The following DSG1 variants were observed in gnomAD, a reference collection of about 807,000 sequenced individuals.
DSG1 encodes desmoglein-1.
DSG1 carries 39 observed loss-of-function variants against 97.5 expected under a neutral mutation model. The ratio of observed to expected loss-of-function variants is 0.40; its 90% CI spans 0.31 to 0.52. The LOEUF (loss-of-function observed/expected upper bound fraction) is 0.52. Among genes scored for constraint, DSG1 ranks in the 20% least tolerant of loss-of-function variants. The pLI is 0.53. For missense variants in DSG1, 1,311 were observed against 1,295.4 expected (o/e 1.01, Z -0.18); for synonymous variants, 475 against 443.4 (o/e 1.07, Z -0.90).
In DSG1 at chr18:31,331,846, G is replaced by C. The variant is rs375396241; in HGVS notation, c.663G>C (p.Met221Ile). The C allele has an allele frequency of 6.2e-7, 1 of 1,612,348 alleles. No individual in the cohort carries two copies. The highest frequency in any genetic ancestry group is 1.1e-5 in the South Asian group (1 of 91,040). ...INRNTGEIRT[M>I]NNFLDREQYG... Reference sequence around the variant, plus strand: ...GAAATACTGGAGAAATTCGAACGATGAATAATTTTCTAGACAGAGAGGTAA... The same window carrying C: ...GAAATACTGGAGAAATTCGAACGATCAATAATTTTCTAGACAGAGAGGTAA... Residue 221 changes from methionine (M) to isoleucine (I), a missense_variant, in exon 6 of 15, where the codon ATG (methionine) becomes ATC (isoleucine). Around this residue, in one of 3 missense-constraint regions of DSG1, gnomAD observed 259 missense variants for 304.1 expected, o/e 0.85. Coordinates refer to ENST00000257192, the MANE Select transcript of DSG1 (RefSeq NM_001942.4).
In DSG1 at chr18:31,354,282, C is replaced by G. The variant is rs371382295; in HGVS notation, c.2101-15C>G. 3 of 1,609,024 alleles carry G rather than the reference C, an allele frequency of 1.9e-6. No homozygotes were observed. The highest frequency in any genetic ancestry group is 2.7e-5 in the African/African-American group (2 of 74,804). On this transcript the variant is annotated splice_polypyrimidine_tract_variant and intron_variant, in intron 14 of 14. Transcript: ENST00000257192. ...GCATTCATAATTTCATTTTCTCTTT[C>G]TCCTATAAATTCAGAAAGCATATGC...
chr18:31,346,465 T>C (rs935939301), intron 14 of DSG1, among the ~76,000 whole-genome samples: 7 of 152,214 alleles, frequency 4.6e-5, no homozygotes, highest in African/African-American at 1.4e-4. Context: ...ACATGTTAAC[T>C]AAGATTGTTC....
Position 31,354,493 on chromosome 18 carries a change from A to G in DSG1, c.2297A>G (p.Glu766Gly), listed in dbSNP as rs779177104. 1 of 1,614,190 alleles carries G rather than the reference A, an allele frequency of 6.2e-7. No individual in the cohort carries two copies. The highest frequency in any genetic ancestry group is 1.1e-5 in the South Asian group (1 of 91,074). The stretch of plus-strand genomic sequence containing the variant: ...TTGGCAGACATCAGCCTAGGAAAAG[A>G]ATCATATCCAGACCTTGATCCTTCT... ...KKLADISLGK[E>G]SYPDLDPSWP... The change falls in exon 15 of 15, where the codon GAA becomes GGA. Residue 766 changes from glutamate (E) to glycine (G), a missense_variant. Physicochemically the swap from Glu to Gly is moderately conservative, Grantham distance 98. This residue lies in a region of DSG1 where 1,038 missense variants were observed against 964.6 expected (regional missense o/e 1.08). Coordinates refer to ENST00000257192, the MANE Select transcript of DSG1 (RefSeq NM_001942.4).
rs766971978 is a variant in DSG1 at position 31,355,275 on chromosome 18, A to G, written c.3079A>G (p.Ile1027Val). Residue 1027 changes from isoleucine (I) to valine (V), a missense_variant, in exon 15 of 15, where the codon ATT becomes GTT. This residue lies in a region of DSG1 where 1,038 missense variants were observed against 964.6 expected (regional missense o/e 1.08). Transcript: ENST00000257192. ...CTCTGACCATCACTTTAACCAAACC[A>G]TTGGGTCCGCCTCCCCTAGCACAGC... Reference protein sequence around the residue: ...SSSDHHFNQTIGSASPSTARS... With the variant: ...SSSDHHFNQTVGSASPSTARS... 1.9e-5 allele frequency: 30 copies of G among 1,613,610 alleles called. No individual in the cohort carries two copies. Among genetic ancestry groups the G allele is most frequent in the African/African-American group, 4.0e-5 (3 of 74,944 alleles).
chr18:31,337,454 T>C (rs1278651587), intron 9 of DSG1, among the ~76,000 whole-genome samples: 2 of 152,160 alleles, frequency 1.3e-5, no homozygotes, highest in Admixed American at 1.3e-4. Flanking sequence ...GGTTTCACCA[T>C]GTTGGCCAGG....
chr18:31,333,782 G>T, intron 7 of DSG1, 59 bp downstream of exon 7: 2 of 1,582,442 alleles, frequency 1.3e-6, no homozygotes, highest in South Asian at 1.1e-5. Flanking sequence ...AAACATATAC[G>T]AACAATTCTG....
intron 11 of DSG1, chr18:31,343,234 T>C (rs2071801860): frequency 3.4e-6 from 2 of 594,450 alleles, no homozygotes; most frequent in Non-Finnish European, 2.9e-6. Context: ...TTTTTAATAC[T>C]ATAAAATAAA....
intron 14 of DSG1, among the ~76,000 whole-genome samples, chr18:31,350,805 A>G (rs1056129852): frequency 4.0e-5 from 6 of 150,638 alleles, no homozygotes; most frequent in South Asian, 4.2e-4. Context: ...CTGTGGGATC[A>G]GTGGTGATAT....
At chr18:31,345,471 C>A in intron 13 of DSG1, 1 of 160,150 alleles carries the variant, frequency 6.2e-6, no homozygotes, top group Non-Finnish European at 1.4e-5. Flanking sequence ...CGAGTACCTA[C>A]CTCAAATATA....
rs536620274 is a variant in DSG1, at chr18:31,353,619, G to A, written c.2101-678G>A. ...TCAGACTGCTGTGCTAGCAATCAGC[G>A]AGACTCCGTGGGCGTAGGACCCTCC... On this transcript the variant is annotated intron_variant, in intron 14 of 14. Transcript: ENST00000257192. Among the ~76,000 whole-genome samples, 275 of 152,176 alleles carry A rather than the reference G, an allele frequency of 1.8e-3. 5 individuals carry two copies. In the East Asian group the frequency reaches 0.034, roughly 19 times the overall value.
At chr18:31,335,210 T>C (rs1279085132) in intron 8 of DSG1, among the ~76,000 whole-genome samples, 1 of 152,158 alleles carries the variant, frequency 6.6e-6, no homozygotes. Context: ...ATTATTTCCA[T>C]ATTGCAGATA....
Position 31,356,642 on chromosome 18 carries a change from A to G in DSG1, c.*1296A>G, listed in dbSNP as rs2071961578. 6.6e-6 allele frequency: 1 copy of G among 152,194 alleles called. No individual in the cohort carries two copies. Among genetic ancestry groups the G allele is most frequent in the Non-Finnish European group, 1.5e-5 (1 of 68,026 alleles). 9.4% of individuals were successfully genotyped at this position (152,194 alleles called of 1,614,324 possible). A position where few individuals can be genotyped will look rare whatever the true frequency, so the allele number is the denominator to read the frequency against. On this transcript the variant is annotated 3_prime_UTR_variant, in exon 15 of 15. Coordinates refer to ENST00000257192, the MANE Select transcript of DSG1 (RefSeq NM_001942.4). ...GACAATATGGTGTTGATAAGCATGAAATAATAATAGAAACCTATTCTGCTA... is the reference window on the plus strand; with the variant it reads ...GACAATATGGTGTTGATAAGCATGAGATAATAATAGAAACCTATTCTGCTA...
At chr18:31,340,171 TA>T in intron 11 of DSG1, 146 bp downstream of exon 11, 1 of 891,428 alleles carries the variant, frequency 1.1e-6, no homozygotes, top group Non-Finnish European at 1.7e-6. Context: ...GCACTGGGTT[TA>T]TAAGATGAAA....
chr18:31,351,561 C>G (rs1283926091), intron 14 of DSG1, among the ~76,000 whole-genome samples: 1 of 151,256 alleles, frequency 6.6e-6, no homozygotes, highest in Non-Finnish European at 1.5e-5. Context: ...CTAATGTTGA[C>G]AGTGGGGTGT....
chr18:31,335,236 C>T (rs761135921), intron 8 of DSG1, among the ~76,000 whole-genome samples: 2 of 152,076 alleles, frequency 1.3e-5, no homozygotes, highest in Non-Finnish European at 2.9e-5. Flanking sequence ...ATTGAGGCTC[C>T]AAGAGAGCAC....
chr18:31,333,979 A>T, intron 7 of DSG1, 38 bp from the exon 8 acceptor site: 1 of 1,437,742 alleles, frequency 7.0e-7, no homozygotes, highest in Non-Finnish European at 9.8e-7. Context: ...TCTCTCTTTC[A>T]CACAGTTTGT....
chr18:31,334,614 T>C (rs1038854808), intron 8 of DSG1, among the ~76,000 whole-genome samples: 45 of 152,180 alleles, frequency 3.0e-4, no homozygotes, highest in African/African-American at 1.0e-3. Context: ...ATATTCATCA[T>C]GTAAATAAAA....
chr18:31,337,877 G>A (rs1033970166), intron 9 of DSG1, among the ~76,000 whole-genome samples: 2 of 152,216 alleles, frequency 1.3e-5, no homozygotes, highest in Admixed American at 1.3e-4. Flanking sequence ...CAGTGCATGT[G>A]AGAAGGAGGA....
intron 11 of DSG1, among the ~76,000 whole-genome samples, chr18:31,340,823 T>C (rs1246024200): frequency 6.6e-6 from 1 of 152,212 alleles, no homozygotes; most frequent in Non-Finnish European, 1.5e-5. Flanking sequence ...GAGATTTTAT[T>C]TATACTAACA....
Sources: allele counts gnomAD v4.1 joint callset (sites outside exome capture counted in the v4.1 genomes callset), GRCh38; gene constraint gnomAD v4.1.1; regional missense constraint gnomAD v4.1.1; transcripts MANE v1.5; gene names NCBI Gene and HGNC (gene_info 2026-07-23, HGNC 2026-07-21).